Variants in PDSS2 observed in about 807,000 individuals in gnomAD.
PDSS2 encodes decaprenyl diphosphate synthase subunit 2.
In PDSS2, 31 loss-of-function variants were observed where a neutral mutation model predicts 44.5. That is an observed-to-expected ratio of 0.70 (90% CI 0.52 to 0.94). PDSS2 has a LOEUF of 0.94. Among genes scored for constraint, PDSS2 ranks in the 40% least tolerant of loss-of-function variants. The pLI is 0.00. For missense variants in PDSS2, 452 were observed against 482.2 expected (o/e 0.94, Z 0.59); for synonymous variants, 157 against 180.3 (o/e 0.87, Z 1.03).
At chr6:107,394,058 A>G (rs985703211) in intron 1 of PDSS2, among the ~76,000 whole-genome samples, 4 of 152,202 alleles carry the variant, frequency 2.6e-5, no homozygotes, top group African/African-American at 7.2e-5. Flanking sequence ...TAATTTAATT[A>G]CTGATGAGAC....
chr6:107,252,416 T>A (rs978970479), intron 3 of PDSS2, among the ~76,000 whole-genome samples: 3 of 152,150 alleles, frequency 2.0e-5, no homozygotes, highest in Admixed American at 2.0e-4. Flanking sequence ...GTGGGAGGGA[T>A]GGCAATCTGT....
intron 1 of PDSS2, among the ~76,000 whole-genome samples, chr6:107,424,566 C>T (rs991188711): frequency 5.3e-5 from 8 of 152,102 alleles, no homozygotes; most frequent in Non-Finnish European, 1.2e-4. Context: ...CCTACCTATC[C>T]TTTGTCTTAC....
chr6:107,342,211 G>A (rs1260788626), intron 1 of PDSS2, among the ~76,000 whole-genome samples: 1 of 151,508 alleles, frequency 6.6e-6, no homozygotes, highest in Non-Finnish European at 1.5e-5. Flanking sequence ...AATTAAAGAT[G>A]AGAGAATGAA....
chr6:107,406,576 T>C (rs1780327400), intron 1 of PDSS2, among the ~76,000 whole-genome samples: 1 of 152,354 alleles, frequency 6.6e-6, no homozygotes, highest in Non-Finnish European at 1.5e-5. Context: ...AATGATAGAA[T>C]ATGGGAGTTA....
At chr6:107,157,574 C>T (rs1038606749) in intron 7 of PDSS2, among the ~76,000 whole-genome samples, 1 of 152,128 alleles carries the variant, frequency 6.6e-6, no homozygotes, top group South Asian at 2.1e-4. Context: ...GTGGAATGCA[C>T]TGAGCTAGGA....
intron 1 of PDSS2, among the ~76,000 whole-genome samples, chr6:107,336,017 G>T (rs1002112231): frequency 1.5e-5 from 2 of 133,212 alleles, no homozygotes; most frequent in Non-Finnish European, 3.2e-5. Context: ...GGGTGGGGGG[G>T]GTGGGGGGTG....
chr6:107,449,599 A>G (rs899482254), intron 1 of PDSS2, among the ~76,000 whole-genome samples: 2 of 152,090 alleles, frequency 1.3e-5, no homozygotes, highest in East Asian at 1.9e-4. Flanking sequence ...TCCATATTTC[A>G]CTCAGCATAA....
At chr6:107,265,658 T>G (rs752616234) in intron 3 of PDSS2, among the ~76,000 whole-genome samples, 1 of 152,146 alleles carries the variant, frequency 6.6e-6, no homozygotes, top group South Asian at 2.1e-4. Flanking sequence ...ATAAGAAAAC[T>G]TGGCCAGGTG....
intron 1 of PDSS2, among the ~76,000 whole-genome samples, chr6:107,345,419 T>C (rs1361758588): frequency 1.3e-5 from 2 of 150,990 alleles, no homozygotes; most frequent in Non-Finnish European, 2.9e-5. Flanking sequence ...TATTAGCTAA[T>C]AATGGAATCA....
At chr6:107,437,599 C>T (rs968198453) in intron 1 of PDSS2, among the ~76,000 whole-genome samples, 1 of 151,576 alleles carries the variant, frequency 6.6e-6, no homozygotes, top group African/African-American at 2.4e-5. Context: ...CTAGGACCTC[C>T]TCATTTCCAC....
intron 1 of PDSS2, among the ~76,000 whole-genome samples, chr6:107,441,423 G>A (rs1465008248): frequency 3.9e-5 from 6 of 152,208 alleles, no homozygotes; most frequent in Non-Finnish European, 5.9e-5. Context: ...CTGCCATAGC[G>A]TGTCCACGGT....
chr6:107,364,855 G>A (rs570497797), intron 1 of PDSS2, among the ~76,000 whole-genome samples: 20 of 152,208 alleles, frequency 1.3e-4, no homozygotes, highest in Non-Finnish European at 2.4e-4. Context: ...CATGTACACA[G>A]GAATAACAAT....
At chr6:107,258,465 T>TAA (rs199659283) in intron 3 of PDSS2, among the ~76,000 whole-genome samples, 8 of 120,572 alleles carry the variant, frequency 6.6e-5, no homozygotes, top group South Asian at 2.6e-4. Flanking sequence ...TTTAGAAAAC[T>TAA]AAAAAAAAAA....
At chr6:107,192,373 C>A (rs1264835273) in intron 7 of PDSS2, 1 of 512,500 alleles carries the variant, frequency 2.0e-6, no homozygotes, top group Admixed American at 2.1e-5. Context: ...GAGTCTGAGA[C>A]CCCAGGGAAA....
chr6:107,325,472 T>C (rs776089156), intron 2 of PDSS2, among the ~76,000 whole-genome samples: 3 of 152,142 alleles, frequency 2.0e-5, no homozygotes, highest in Non-Finnish European at 2.9e-5. Context: ...TGCGAAGAAA[T>C]TGATGGTGTC....
chr6:107,259,318 AAAATG>A (rs1400963254), intron 3 of PDSS2, among the ~76,000 whole-genome samples: 2 of 152,180 alleles, frequency 1.3e-5, no homozygotes, highest in Non-Finnish European at 2.9e-5. Flanking sequence ...TCTGAGAGGT[AAAATG>A]AAGAGTTCAA....
In PDSS2 at chr6:107,276,591, A is replaced by G. The variant is rs143072766; in HGVS notation, c.432-2364T>C. ...GGTCTTGGGAGGTGGTCTGTTTTGCATATGGAAGGAATGTGAAATATTGGG... is the reference window on the plus strand; with the variant it reads ...GGTCTTGGGAGGTGGTCTGTTTTGCGTATGGAAGGAATGTGAAATATTGGG... On this transcript the variant is annotated intron_variant, in intron 2 of 7. Transcript: ENST00000369037. 2.0e-5 allele frequency among the ~76,000 whole-genome samples: 3 copies of G among 152,306 alleles called. No homozygotes were observed. The East Asian group carries it at 5.8e-4, about 29-fold the overall frequency.
chr6:107,420,687 A>C (rs1780797066), intron 1 of PDSS2, among the ~76,000 whole-genome samples: 1 of 152,220 alleles, frequency 6.6e-6, no homozygotes, highest in South Asian at 2.1e-4. Flanking sequence ...AGATCAATGC[A>C]AAAAGGATCA....
chr6:107,210,407 T>G (rs1773157042), intron 6 of PDSS2, 32 bp downstream of exon 6: 1 of 1,523,674 alleles, frequency 6.6e-7, no homozygotes, highest in African/African-American at 1.4e-5. Context: ...TAATTACTAC[T>G]GGTACCTAAA....
Sources: gnomAD v4.1 joint callset for allele counts (sites outside exome capture counted in the v4.1 genomes callset) on GRCh38, gnomAD v4.1.1 for gene constraint, MANE v1.5 for transcripts, NCBI Gene and HGNC (gene_info 2026-07-23, HGNC 2026-07-21) for gene names.